The following TNKS variants were observed in gnomAD, a reference collection of about 807,000 sequenced individuals.
The protein encoded by TNKS is poly [ADP-ribose] polymerase tankyrase-1.
Under a neutral mutation model 135.8 loss-of-function variants are expected in TNKS, and 72 were observed. The observed-to-expected ratio is 0.53, with a 90% CI of 0.44 to 0.64. TNKS has a LOEUF of 0.64. TNKS is among the 30% of genes least tolerant of loss of function. The pLI, the probability that TNKS is intolerant of heterozygous loss-of-function variation, is 0.00. For synonymous variants in TNKS, 849 were observed against 649.3 expected (o/e 1.31, Z -4.68); for missense variants, 1,769 against 1,674.0 (o/e 1.06, Z -0.99).
At chr8:9,634,995 C>G (rs1157687949) in intron 3 of TNKS, among the ~76,000 whole-genome samples, 1 of 150,936 alleles carries the variant, frequency 6.6e-6, no homozygotes, top group Non-Finnish European at 1.5e-5. Context: ...GAAACCCCGT[C>G]TCTACTAAAA....
chr8:9,578,189 A>G (rs1415604899), intron 1 of TNKS, among the ~76,000 whole-genome samples: 1 of 152,124 alleles, frequency 6.6e-6, no homozygotes, highest in Non-Finnish European at 1.5e-5. Context: ...GGGAAATGGA[A>G]GTTTGCACTC....
intron 17 of TNKS, among the ~76,000 whole-genome samples, chr8:9,746,735 G>GGAGAGT (rs1235843200): frequency 1.3e-5 from 2 of 152,050 alleles, no homozygotes; most frequent in African/African-American, 4.8e-5. Context: ...GTGAGTGGTG[G>GGAGAGT]GAGAGTGAGT....
intron 3 of TNKS, among the ~76,000 whole-genome samples, chr8:9,645,161 AG>A (rs1800874640): frequency 1.3e-5 from 2 of 149,614 alleles, no homozygotes; most frequent in African/African-American, 4.9e-5. Flanking sequence ...GTGAATGCAA[AG>A]GGGAGGACGG....
chr8:9,690,878 G>A (rs1803233376), intron 5 of TNKS, among the ~76,000 whole-genome samples: 1 of 152,000 alleles, frequency 6.6e-6, no homozygotes, highest in Non-Finnish European at 1.5e-5. Flanking sequence ...TTTTATCTCT[G>A]TTCATGTAAT....
chr8:9,620,915 T>C (rs1225844169), intron 3 of TNKS, among the ~76,000 whole-genome samples: 1 of 152,244 alleles, frequency 6.6e-6, no homozygotes, highest in African/African-American at 2.4e-5. Context: ...TCTTGTTTAC[T>C]TCTTTATCCC....
chr8:9,755,719 A>G (rs1806799655), intron 20 of TNKS, among the ~76,000 whole-genome samples: 1 of 152,216 alleles, frequency 6.6e-6, no homozygotes, highest in Admixed American at 6.5e-5. Flanking sequence ...GGCTTAAGCC[A>G]GGGGAGCCGT....
chr8:9,758,984 G>C (rs1188087071), intron 20 of TNKS, among the ~76,000 whole-genome samples: 1 of 152,136 alleles, frequency 6.6e-6, no homozygotes, highest in Non-Finnish European at 1.5e-5. Context: ...GTGCTTATTG[G>C]CAGGATTCAG....
At chr8:9,683,184 G>A (rs1280920450) in intron 5 of TNKS, among the ~76,000 whole-genome samples, 84 of 151,956 alleles carry the variant, frequency 5.5e-4, no homozygotes, top group Non-Finnish European at 2.9e-5. Context: ...AAAGCCACAG[G>A]GTGTTAAATG....
At chr8:9,559,204 T>G (rs1339526953) in intron 1 of TNKS, among the ~76,000 whole-genome samples, 1 of 152,134 alleles carries the variant, frequency 6.6e-6, no homozygotes, top group African/African-American at 2.4e-5. Flanking sequence ...GTATCTAGTG[T>G]CTAATCTAGA....
chr8:9,576,190 C>T (rs936015721), intron 1 of TNKS, among the ~76,000 whole-genome samples: 1 of 152,170 alleles, frequency 6.6e-6, no homozygotes, highest in East Asian at 1.9e-4. Context: ...TATATTATTT[C>T]CTGCCCAATT....
intron 20 of TNKS, among the ~76,000 whole-genome samples, chr8:9,755,688 G>A (rs539759510): frequency 3.7e-4 from 57 of 152,170 alleles, no homozygotes; most frequent in Admixed American, 1.2e-3. Flanking sequence ...TGCATTGAAC[G>A]CATTTAATTC....
At chr8:9,717,070 A>AT (rs1242745445) in intron 11 of TNKS, among the ~76,000 whole-genome samples, 41,205 of 69,878 alleles carry the variant, frequency 0.59, 11,756 homozygotes, top group Middle Eastern at 0.65. Context: ...CTGTTGTATT[A>AT]TAATATATAT....
At chr8:9,762,964 T>A (rs1385620324) in intron 21 of TNKS, among the ~76,000 whole-genome samples, 183 bp from the exon 22 acceptor site, 1 of 151,726 alleles carries the variant, frequency 6.6e-6, no homozygotes, top group Non-Finnish European at 1.5e-5. Context: ...TTTTTTCTCC[T>A]GTCTGTCTTT....
chr8:9,589,985 C>T (rs182919377), intron 2 of TNKS, among the ~76,000 whole-genome samples: 3 of 152,170 alleles, frequency 2.0e-5, no homozygotes, highest in Non-Finnish European at 2.9e-5. Flanking sequence ...TTGAATGTTA[C>T]GTACAAAATA....
intron 5 of TNKS, among the ~76,000 whole-genome samples, chr8:9,693,761 ATT>A (rs1282662617): frequency 6.6e-6 from 1 of 152,232 alleles, no homozygotes; most frequent in Non-Finnish European, 1.5e-5. Flanking sequence ...CTGATGGTAC[ATT>A]GAACAATCTT....
At chr8:9,760,043 T>C (rs1807064333) in intron 20 of TNKS, among the ~76,000 whole-genome samples, 1 of 151,028 alleles carries the variant, frequency 6.6e-6, no homozygotes, top group Admixed American at 6.6e-5. Context: ...AGTTACCACA[T>C]AGATATGAGA....
At chr8:9,700,407 G>A (rs915245669) in intron 5 of TNKS, among the ~76,000 whole-genome samples, 18 of 152,144 alleles carry the variant, frequency 1.2e-4, no homozygotes, top group African/African-American at 3.9e-4. Flanking sequence ...TGTCAGATAC[G>A]TGGTAGAAAT....
intron 21 of TNKS, among the ~76,000 whole-genome samples, chr8:9,762,518 G>A (rs529428342): frequency 6.6e-6 from 1 of 151,178 alleles, no homozygotes; most frequent in South Asian, 2.1e-4. Flanking sequence ...TTTTTTTTGT[G>A]TCAGACATAG....
At position 9,779,673 on chromosome 8, in the gene TNKS, G is replaced by C. The variant is rs1191939414; in HGVS notation, c.*2937G>C. 2 of 152,040 alleles carry C rather than the reference G, an allele frequency of 1.3e-5. No individual in the cohort carries two copies. The highest frequency in any genetic ancestry group is 2.4e-5 in the African/African-American group (1 of 41,374). The allele number at this position is 152,040 out of a possible 1,614,324, so 9.4% of individuals were successfully genotyped here. On this transcript the variant is annotated 3_prime_UTR_variant, in exon 27 of 27. Transcript: ENST00000310430. ...ACTCCATTCATTTTCTCCTCATCTT[G>C]GGTCTTAAAAAAGGAGACCAGATAC...
Sources: allele counts gnomAD v4.1 joint callset (sites outside exome capture counted in the v4.1 genomes callset), GRCh38; gene constraint gnomAD v4.1.1; transcripts MANE v1.5; gene names NCBI Gene and HGNC (gene_info 2026-07-23, HGNC 2026-07-21).